Variants in ZNF808 observed in about 807,000 individuals in gnomAD.
ZNF808 encodes the protein zinc finger protein 808.
In ZNF808, 5 loss-of-function variants were observed where a neutral mutation model predicts 8.7. The observed-to-expected ratio is 0.58, with a 90% confidence interval of 0.30 to 1.21. ZNF808 has a LOEUF of 1.21. Among genes scored for constraint, ZNF808 ranks in the 50% most tolerant of loss-of-function variants. The pLI, the probability that ZNF808 is intolerant of heterozygous loss-of-function variation, is 0.07. For missense variants in ZNF808, 1,103 were observed against 1,098.4 expected, an observed-to-expected ratio of 1.00 and a Z score of -0.06; for synonymous variants, 380 against 366.0, an observed-to-expected ratio of 1.04 and a Z score of -0.44.
rs1207068865 is a variant in ZNF808 at position 52,547,750 on chromosome 19, T to G, written c.190+112T>G. 5 of 1,525,202 alleles carry G rather than the reference T, an allele frequency of 3.3e-6. No individual in the cohort carries two copies. The South Asian group carries it at 5.1e-5, about 16-fold the overall frequency. 94.5% of individuals were successfully genotyped at this position (1,525,202 alleles called of 1,614,324 possible). A position where few individuals can be genotyped will look rare whatever the true frequency, so the allele number is the denominator to read the frequency against. On this transcript the variant is annotated intron_variant, in intron 4 of 4. Coordinates refer to ENST00000359798, the MANE Select transcript of ZNF808 (RefSeq NM_001039886.4). ...CCCCATCCATGCTGGTTTTTTTTTT[T>G]TTTTTTTTTGACATGGAGTTTTGCT...
Position 52,553,117 on chromosome 19 carries a change from C to T in ZNF808, c.201C>T (p.Ser67=). 2 of 1,554,736 alleles carry T rather than the reference C, an allele frequency of 1.3e-6. No individual in the cohort carries two copies. Among genetic ancestry groups the T allele is most frequent in the Non-Finnish European group, 1.7e-6 (2 of 1,155,952 alleles). Reference sequence around the variant, plus strand: ...GTTTATATTTTGTAGATATCTCTTCCAAACACATGATGAAGGAGGTCTTGT... The same window carrying T: ...GTTTATATTTTGTAGATATCTCTTCTAAACACATGATGAAGGAGGTCTTGT... ...YRNLEAVDIS[S]KHMMKEVLST... The change falls in exon 5 of 5, where the codon TCC becomes TCT. Residue 67 remains serine, a synonymous_variant. Coordinates refer to ENST00000359798, the MANE Select transcript of ZNF808 (RefSeq NM_001039886.4).
Position 52,554,191 on chromosome 19 carries a change from A to G in ZNF808, c.1275A>G (p.Lys425=), listed in dbSNP as rs745639846. The G allele has an allele frequency of 4.3e-6, 7 of 1,613,684 alleles. No individual in the cohort carries two copies. In the African/African-American group the frequency reaches 5.3e-5, roughly 12 times the overall value. The part of the protein sequence containing the change: ...ARHHILHTGE[K]PYKCEECDKV... ...ATCATATACTTCATACTGGAGAGAA[A>G]CCTTACAAATGTGAAGAATGTGACA... The change falls in exon 5 of 5, where the codon AAA becomes AAG. Residue 425 remains lysine (K), a synonymous_variant. Transcript: ENST00000359798.
At chr19:52,558,337 C>T (rs1400684205), downstream of ZNF808, among the ~76,000 whole-genome samples, 2 of 150,896 alleles carry the variant, frequency 1.3e-5, no homozygotes, top group Non-Finnish European at 2.9e-5. Context: ...GCTGGGATTA[C>T]AGGCGTGAGC....
At chr19:52,549,132 T>G (rs1349827273) in intron 4 of ZNF808, among the ~76,000 whole-genome samples, 5 of 152,096 alleles carry the variant, frequency 3.3e-5, no homozygotes, top group Non-Finnish European at 1.5e-5. Context: ...TGCACCACCA[T>G]GCCCGGCTAA....
chr19:52,554,196 AC>A lies in ZNF808; in HGVS notation c.1281del (p.Tyr427Ter), dbSNP rs748108451. The A allele has an allele frequency of 4.3e-6, 7 of 1,613,784 alleles. No homozygotes were observed. Among genetic ancestry groups the A allele is most frequent in the Non-Finnish European group, 5.9e-6 (7 of 1,179,738 alleles). On this transcript the variant is annotated frameshift_variant, in exon 5 of 5. Transcript: ENST00000359798. LOFTEE classifies it low-confidence loss of function (END_TRUNC). ...ATACTTCATACTGGAGAGAAACCTT[AC>A]AAATGTGAAGAATGTGACAAAGTTT... Reference protein sequence around the residue: ...HHILHTGEKPYKCEECDKVFS... With the variant: ...HHILHTGEKPXKCEECDKVFS...
At chr19:52,552,301 G>A (rs915871884) in intron 4 of ZNF808, among the ~76,000 whole-genome samples, 4 of 152,050 alleles carry the variant, frequency 2.6e-5, no homozygotes, top group African/African-American at 4.8e-5. Context: ...ACAGGCATGA[G>A]CCACCGCACC....
At chr19:52,552,057 G>A (rs1174531767) in intron 4 of ZNF808, among the ~76,000 whole-genome samples, 2 of 150,060 alleles carry the variant, frequency 1.3e-5, no homozygotes, top group East Asian at 1.9e-4. Flanking sequence ...TCACTCTGTC[G>A]CCCAGGCTGG....
intron 2 of ZNF808, among the ~76,000 whole-genome samples, chr19:52,534,381 C>T (rs1271583586): frequency 2.0e-5 from 3 of 152,158 alleles, no homozygotes; most frequent in Non-Finnish European, 4.4e-5. Context: ...AAAACATGTC[C>T]TTAATGGGTT....
chr19:52,540,145 G>A (rs1568482113), intron 2 of ZNF808, among the ~76,000 whole-genome samples: 1 of 152,106 alleles, frequency 6.6e-6, no homozygotes, highest in African/African-American at 2.4e-5. Context: ...CTGAGTAGCT[G>A]GAGTTACAGG....
downstream of ZNF808, among the ~76,000 whole-genome samples, chr19:52,560,325 CAAAA>C (rs36115849): frequency 7.3e-6 from 1 of 136,162 alleles, no homozygotes; most frequent in Non-Finnish European, 1.6e-5. Context: ...CACTCCTTCT[CAAAA>C]AAAAAAAAAT....
intron 2 of ZNF808, among the ~76,000 whole-genome samples, chr19:52,537,056 T>C (rs748371508): frequency 4.6e-5 from 7 of 152,160 alleles, no homozygotes; most frequent in Middle Eastern, 3.4e-3. Flanking sequence ...CGCGGTTGCA[T>C]ATGCCTGTAA....
At chr19:52,552,789 C>T (rs1231857010) in intron 4 of ZNF808, among the ~76,000 whole-genome samples, 1 of 150,012 alleles carries the variant, frequency 6.7e-6, no homozygotes, top group East Asian at 2.0e-4. Context: ...CTTGATGTGA[C>T]AGTGATATGT....
chr19:52,553,513 G>T lies in ZNF808; in HGVS notation c.597G>T (p.Arg199Ser), dbSNP rs769221742. The T allele has an allele frequency of 2.4e-5, 39 of 1,614,032 alleles. No individual in the cohort carries two copies. The East Asian group carries it at 2.9e-4, about 12-fold the overall frequency. ...SVSTSQRISC[R>S]PQIHISNNYG... is the part of the protein sequence containing the mutation. ...CAACATCCCAAAGAATTTCCTGTAGGCCCCAAATCCATATTTCTAATAACT... is the reference window on the plus strand; with the variant it reads ...CAACATCCCAAAGAATTTCCTGTAGTCCCCAAATCCATATTTCTAATAACT... The change falls in exon 5 of 5, where the codon AGG (arginine) becomes AGT (serine). Residue 199 changes from arginine (R) to serine (S), a missense_variant. Coordinates refer to ENST00000359798, the MANE Select transcript of ZNF808 (RefSeq NM_001039886.4).
intron 4 of ZNF808, among the ~76,000 whole-genome samples, chr19:52,547,855 T>G (rs1481954765): frequency 1.3e-5 from 2 of 151,428 alleles, no homozygotes; most frequent in Non-Finnish European, 2.9e-5. Flanking sequence ...TTCTCCTGCC[T>G]GAGCCTCCTG....
chr19:52,536,653 CT>C (rs1297780514), intron 2 of ZNF808, among the ~76,000 whole-genome samples: 44 of 152,312 alleles, frequency 2.9e-4, no homozygotes, highest in African/African-American at 1.0e-3. Flanking sequence ...GGAAAATGCG[CT>C]TCTCCGCGAT....
At chr19:52,549,419 G>A (rs74508009) in intron 4 of ZNF808, among the ~76,000 whole-genome samples, 582 of 152,252 alleles carry the variant, frequency 3.8e-3, no homozygotes, top group Non-Finnish European at 5.9e-3. Flanking sequence ...ATATTGTTGA[G>A]TATATTCTTG....
intron 3 of ZNF808, among the ~76,000 whole-genome samples, chr19:52,546,798 A>G (rs2059725606): frequency 6.7e-6 from 1 of 149,126 alleles, no homozygotes. Context: ...CCTGCGCCAC[A>G]ACACCTAGCT....
exon 4 of ZNF808, chr19:52,564,128 A>G: frequency 1.5e-6 from 1 of 689,288 alleles, no homozygotes; most frequent in Non-Finnish European, 2.6e-6. Context: ...AACAACCAAA[A>G]GTAAAATCGT....
intron 2 of ZNF808, among the ~76,000 whole-genome samples, chr19:52,541,720 G>A (rs2059672352): frequency 6.6e-6 from 1 of 151,650 alleles, no homozygotes; most frequent in Non-Finnish European, 1.5e-5. Flanking sequence ...TTAAAATCAG[G>A]GGATTAGACT....
Sources: gnomAD v4.1 joint callset for allele counts (sites outside exome capture counted in the v4.1 genomes callset) on GRCh38, gnomAD v4.1.1 for gene constraint, MANE v1.5 for transcripts, NCBI Gene and HGNC (gene_info 2026-07-23, HGNC 2026-07-21) for gene names.